The following SEM1 variants were observed in gnomAD, a reference collection of about 807,000 sequenced individuals.
SEM1 encodes SEM1 26S proteasome subunit.
A neutral mutation model predicts 12.7 loss-of-function variants in SEM1; 3 were observed. The ratio of observed to expected loss-of-function variants is 0.24; its 90% CI spans 0.11 to 0.61. SEM1 has a LOEUF of 0.61. SEM1 is among the 20% of genes least tolerant of loss of function. SEM1 has a pLI of 0.88. For synonymous variants in SEM1, 30 were observed against 27.8 expected (o/e 1.08, Z -0.25); for missense variants, 59 against 81.3 (o/e 0.73, Z 1.06).
intron 2 of SEM1, among the ~76,000 whole-genome samples, chr7:96,529,168 A>ATCC (rs1804565556): frequency 6.6e-6 from 1 of 152,112 alleles, no homozygotes; most frequent in Admixed American, 6.6e-5. Context: ...AAAAGTTTTC[A>ATCC]GGATATAGCA....
intron 2 of SEM1, among the ~76,000 whole-genome samples, chr7:96,608,721 A>G (rs1807456465): frequency 6.6e-6 from 1 of 152,234 alleles, no homozygotes. Context: ...AATGTTTACA[A>G]GGTTCATCCA....
At chr7:96,500,784 C>T (rs761764675), upstream of SEM1, among the ~76,000 whole-genome samples, 1 of 152,122 alleles carries the variant, frequency 6.6e-6, no homozygotes, top group East Asian at 1.9e-4. Flanking sequence ...AGCACATGTT[C>T]CTGGAGAGGA....
intron 1 of SEM1, among the ~76,000 whole-genome samples, chr7:96,493,121 T>C (rs1342742243): frequency 6.6e-6 from 1 of 151,986 alleles, no homozygotes; most frequent in Non-Finnish European, 1.5e-5. Context: ...TATAGCCACA[T>C]ACCCGGCTAA....
At chr7:96,491,805 T>C (rs1803019550) in intron 1 of SEM1, among the ~76,000 whole-genome samples, 1 of 152,154 alleles carries the variant, frequency 6.6e-6, no homozygotes, top group South Asian at 2.1e-4. Context: ...AAAGTTCAAA[T>C]TGAAGAGTAA....
chr7:96,586,425 G>A (rs542813714), intron 2 of SEM1, among the ~76,000 whole-genome samples: 21 of 152,240 alleles, frequency 1.4e-4, no homozygotes, highest in Middle Eastern at 3.4e-3. Context: ...CTGTCAGTTC[G>A]TTCCCTCCTA....
At chr7:96,540,909 C>G (rs542738750) in intron 2 of SEM1, among the ~76,000 whole-genome samples, 1 of 151,848 alleles carries the variant, frequency 6.6e-6, no homozygotes, top group East Asian at 1.9e-4. Context: ...CTGCAAAGGA[C>G]ATGATTTCAT....
chr7:96,568,851 CT>C (rs1334393714), intron 2 of SEM1, among the ~76,000 whole-genome samples: 1 of 151,536 alleles, frequency 6.6e-6, no homozygotes, highest in Non-Finnish European at 1.5e-5. Context: ...ATGTTCATTC[CT>C]TAAGAAGTTC....
chr7:96,553,701 C>T (rs1208973691), intron 2 of SEM1, among the ~76,000 whole-genome samples: 6 of 151,860 alleles, frequency 4.0e-5, no homozygotes, highest in Admixed American at 2.0e-4. Context: ...TCCATATGAA[C>T]TTTAAAGTAG....
upstream of SEM1, among the ~76,000 whole-genome samples, chr7:96,500,605 G>A (rs745572422): frequency 3.9e-5 from 6 of 152,088 alleles, no homozygotes; most frequent in East Asian, 1.9e-4. Context: ...TCTGAACTCC[G>A]TAAATGGATT....
At chr7:96,577,369 C>G (rs1806240531) in intron 2 of SEM1, among the ~76,000 whole-genome samples, 1 of 152,056 alleles carries the variant, frequency 6.6e-6, no homozygotes, top group East Asian at 1.9e-4. Context: ...CTGTATGAAC[C>G]AAAAACCTTG....
At chr7:96,488,535 A>C (rs1802862070) in intron 1 of SEM1, among the ~76,000 whole-genome samples, 1 of 152,174 alleles carries the variant, frequency 6.6e-6, no homozygotes, top group African/African-American at 2.4e-5. Flanking sequence ...AATGCAAGCA[A>C]CTTGAGAAAG....
upstream of SEM1, among the ~76,000 whole-genome samples, chr7:96,497,261 A>G (rs1803326046): frequency 6.6e-6 from 1 of 151,964 alleles, no homozygotes; most frequent in Non-Finnish European, 1.5e-5. Flanking sequence ...AAAAAATCAA[A>G]TTTTTTTCTT....
intron 2 of SEM1, among the ~76,000 whole-genome samples, chr7:96,526,153 A>C (rs558617045): frequency 2.0e-4 from 30 of 152,296 alleles, no homozygotes; most frequent in African/African-American, 6.7e-4. Flanking sequence ...CTTTACTAGC[A>C]ATGTAGAAAA....
At chr7:96,610,123 C>T (rs1282625725) in intron 2 of SEM1, among the ~76,000 whole-genome samples, 6 of 149,406 alleles carry the variant, frequency 4.0e-5, no homozygotes, top group Non-Finnish European at 8.9e-5. Context: ...TTTTTTGAGA[C>T]AGTTTTGCTC....
chr7:96,542,321 T>A (rs960209853), intron 2 of SEM1, among the ~76,000 whole-genome samples: 2 of 151,810 alleles, frequency 1.3e-5, no homozygotes, highest in African/African-American at 4.8e-5. Context: ...TATCACCTTA[T>A]TGGTTACATA....
chr7:96,588,476 A>G (rs940290422), intron 2 of SEM1, among the ~76,000 whole-genome samples: 1 of 137,870 alleles, frequency 7.3e-6, no homozygotes, highest in Non-Finnish European at 1.6e-5. Context: ...TAGGTTTGAC[A>G]TGATAGGTAT....
intron 2 of SEM1, among the ~76,000 whole-genome samples, chr7:96,485,624 C>T (rs1248845153): frequency 1.4e-5 from 2 of 139,542 alleles, no homozygotes; most frequent in Non-Finnish European, 3.0e-5. Flanking sequence ...CTCACTGCAA[C>T]CTTGGCCTCC....
intron 2 of SEM1, among the ~76,000 whole-genome samples, chr7:96,569,846 A>G (rs2115971201): frequency 6.6e-6 from 1 of 152,100 alleles, no homozygotes; most frequent in East Asian, 1.9e-4. Flanking sequence ...AGTTCCATTC[A>G]TGTTGCTGCA....
chr7:96,647,697 G>A (rs543248759), intron 2 of SEM1, among the ~76,000 whole-genome samples: 7 of 152,266 alleles, frequency 4.6e-5, no homozygotes, highest in South Asian at 4.1e-4. Flanking sequence ...TGAACACATT[G>A]TAATTGTATT....
Sources: gnomAD v4.1 joint callset for allele counts (sites outside exome capture counted in the v4.1 genomes callset) on GRCh38, gnomAD v4.1.1 for gene constraint, MANE v1.5 for transcripts, NCBI Gene and HGNC (gene_info 2026-07-23, HGNC 2026-07-21) for gene names.